The following ZNF521 variants were observed in gnomAD, a reference collection of about 807,000 sequenced individuals.
ZNF521 encodes the protein zinc finger protein 521.
ZNF521 carries 14 observed loss-of-function variants against 105.5 expected under a neutral mutation model. That is an observed-to-expected ratio of 0.13 (90% CI 0.09 to 0.21). The LOEUF (loss-of-function observed/expected upper bound fraction) is 0.21. ZNF521 is among the 10% of genes least tolerant of loss of function. The pLI, the probability that ZNF521 is intolerant of heterozygous loss-of-function variation, is 1.00. For synonymous variants in ZNF521, 635 were observed against 606.0 expected (o/e 1.05, Z -0.70); for missense variants, 1,233 against 1,629.7 (o/e 0.76, Z 4.19).
intron 5 of ZNF521, among the ~76,000 whole-genome samples, chr18:25,154,074 T>G (rs1178467503): frequency 6.6e-6 from 1 of 152,174 alleles, no homozygotes; most frequent in East Asian, 1.9e-4. Context: ...ATCTTCCAAA[T>G]CTGAACCTAC....
chr18:25,183,688 A>C (rs2035671646), intron 5 of ZNF521, among the ~76,000 whole-genome samples: 1 of 152,202 alleles, frequency 6.6e-6, no homozygotes, highest in African/African-American at 2.4e-5. Flanking sequence ...AGAGCCATGA[A>C]AGCATGATAT....
intron 5 of ZNF521, among the ~76,000 whole-genome samples, chr18:25,183,985 G>A (rs1425610865): frequency 3.3e-5 from 5 of 152,008 alleles, no homozygotes; most frequent in African/African-American, 1.2e-4. Flanking sequence ...GATAGGGGAT[G>A]GTATATTTTT....
At chr18:25,092,476 G>A (rs2144220695) in intron 5 of ZNF521, among the ~76,000 whole-genome samples, 1 of 151,828 alleles carries the variant, frequency 6.6e-6, no homozygotes, top group Admixed American at 6.5e-5. Flanking sequence ...TTATCCAGAG[G>A]GTCCTGGAAG....
chr18:25,125,737 T>A (rs892004983), intron 5 of ZNF521, among the ~76,000 whole-genome samples: 21 of 133,924 alleles, frequency 1.6e-4, no homozygotes, highest in African/African-American at 3.6e-4. Context: ...TTTTTTTTTT[T>A]AAATACTATA....
intron 7 of ZNF521, among the ~76,000 whole-genome samples, chr18:25,079,752 T>G (rs1259590981): frequency 6.6e-6 from 1 of 152,182 alleles, no homozygotes; most frequent in Non-Finnish European, 1.5e-5. Flanking sequence ...CCACCAGTAC[T>G]GTCATGAATT....
At chr18:25,084,029 C>G (rs1358989032) in intron 7 of ZNF521, among the ~76,000 whole-genome samples, 1 of 148,128 alleles carries the variant, frequency 6.8e-6, no homozygotes, top group African/African-American at 2.5e-5. Context: ...AGTGATCCGC[C>G]TGCCTCAGCC....
At chr18:25,102,988 A>G (rs2033997164) in intron 5 of ZNF521, among the ~76,000 whole-genome samples, 1 of 152,120 alleles carries the variant, frequency 6.6e-6, no homozygotes, top group Non-Finnish European at 1.5e-5. Flanking sequence ...CTATGTCTTA[A>G]GCAGCTACTG....
chr18:25,289,458 G>A (rs1317092159), intron 3 of ZNF521, among the ~76,000 whole-genome samples: 1 of 151,694 alleles, frequency 6.6e-6, no homozygotes, highest in Non-Finnish European at 1.5e-5. Flanking sequence ...GCACGAAGTC[G>A]GCTCTGTTTT....
intron 3 of ZNF521, among the ~76,000 whole-genome samples, chr18:25,247,668 T>C (rs962931993): frequency 5.9e-5 from 9 of 152,200 alleles, no homozygotes; most frequent in Non-Finnish European, 7.3e-5. Flanking sequence ...TGATGGCTTA[T>C]GGCCCCAAGT....
At chr18:25,195,051 G>T in intron 5 of ZNF521, 109 bp downstream of exon 5, 1 of 902,588 alleles carries the variant, frequency 1.1e-6, no homozygotes, top group African/African-American at 1.8e-5. Flanking sequence ...ATCATGCCGA[G>T]GAAAAACAAT....
chr18:25,284,567 T>C (rs1910578628), intron 3 of ZNF521, among the ~76,000 whole-genome samples: 1 of 151,634 alleles, frequency 6.6e-6, no homozygotes, highest in African/African-American at 2.4e-5. Flanking sequence ...GGAGGAAAAT[T>C]AAAAAGAGAG....
At chr18:25,316,017 C>T (rs930139956) in intron 3 of ZNF521, among the ~76,000 whole-genome samples, 1 of 152,140 alleles carries the variant, frequency 6.6e-6, no homozygotes, top group Non-Finnish European at 1.5e-5. Flanking sequence ...AATTAACCCT[C>T]TAGCACACTG....
At chr18:25,219,637 G>A (rs1400936084) in intron 4 of ZNF521, among the ~76,000 whole-genome samples, 1 of 151,972 alleles carries the variant, frequency 6.6e-6, no homozygotes, top group African/African-American at 2.4e-5. Flanking sequence ...ACTCCTCACG[G>A]CAAGCTCGTC....
At chr18:25,168,814 G>T (rs552751314) in intron 5 of ZNF521, among the ~76,000 whole-genome samples, 1 of 152,104 alleles carries the variant, frequency 6.6e-6, no homozygotes, top group African/African-American at 2.4e-5. Context: ...TGACCTGATC[G>T]ACACTAAGTG....
chr18:25,217,067 G>C (rs1905374984), intron 4 of ZNF521, among the ~76,000 whole-genome samples: 1 of 152,116 alleles, frequency 6.6e-6, no homozygotes, highest in African/African-American at 2.4e-5. Context: ...AAGGAAGTGA[G>C]AATAGCCTGC....
intron 5 of ZNF521, among the ~76,000 whole-genome samples, chr18:25,176,913 C>T (rs1403270378): frequency 1.3e-5 from 2 of 152,222 alleles, no homozygotes; most frequent in African/African-American, 4.8e-5. Context: ...CAACATTCGG[C>T]GCTGGCGTGG....
intron 3 of ZNF521, among the ~76,000 whole-genome samples, chr18:25,246,655 G>A (rs557253804): frequency 6.6e-6 from 1 of 152,068 alleles, no homozygotes. Context: ...TTGCTTTCTG[G>A]TGAATTTTCC....
At position 25,170,495 on chromosome 18, in the gene ZNF521, A is replaced by C. The variant is rs138271154; in HGVS notation, c.3658+24665T>G. On this transcript the variant is annotated intron_variant, in intron 5 of 7. Transcript: ENST00000361524. ...AAATTTTAGTTCTTGTAAACCCTTA[A>C]CAATAGTCATTCTTCATCCTCTCTA... Among the ~76,000 whole-genome samples the C allele has an allele frequency of 1.9e-3, 296 of 152,270 alleles. 3 individuals carry two copies. The highest frequency in any genetic ancestry group is 0.017 in the Admixed American group (264 of 15,278).
intron 5 of ZNF521, among the ~76,000 whole-genome samples, chr18:25,113,368 G>C (rs933705570): frequency 6.6e-6 from 1 of 152,096 alleles, no homozygotes; most frequent in Non-Finnish European, 1.5e-5. Flanking sequence ...GCCGCCCAGC[G>C]CCAATGAAAT....
Sources: allele counts gnomAD v4.1 joint callset (sites outside exome capture counted in the v4.1 genomes callset), GRCh38; gene constraint gnomAD v4.1.1; transcripts MANE v1.5; gene names NCBI Gene and HGNC (gene_info 2026-07-23, HGNC 2026-07-21).